Variants in LHX8 observed in about 807,000 individuals in gnomAD.
LHX8 encodes the protein LIM/homeobox protein Lhx8.
In LHX8, 12 loss-of-function variants were observed where a neutral mutation model predicts 40.3. That is an observed-to-expected ratio of 0.30 (90% CI 0.19 to 0.48). The LOEUF (loss-of-function observed/expected upper bound fraction) is 0.48. Among genes scored for constraint, LHX8 ranks in the 20% least tolerant of loss-of-function variants. The pLI is 0.99. For synonymous variants in LHX8, 179 were observed against 162.0 expected, an observed-to-expected ratio of 1.10 and a Z score of -0.80; for missense variants, 344 against 433.7, an observed-to-expected ratio of 0.79 and a Z score of 1.84.
chr1:75,169,302 A>G, the LHX8 span, among the ~76,000 whole-genome samples: 2,625 of 152,298 alleles, frequency 0.017, 80 homozygotes, highest in African/African-American at 0.06. Context: ...TTCTGGCTGC[A>G]TGGCCTTGTT....
intron 7 of LHX8, 116 bp downstream of exon 7, chr1:75,148,798 C>T: frequency 4.1e-6 from 3 of 726,176 alleles, no homozygotes; most frequent in South Asian, 1.7e-5. Context: ...CCACCTCAGC[C>T]TCCCAAAGTA....
intron 1 of LHX8, 143 bp from the exon 2 acceptor site, chr1:75,136,460 C>A: frequency 5.9e-6 from 3 of 510,348 alleles, no homozygotes; most frequent in Non-Finnish European, 6.6e-6. Flanking sequence ...GGCGCCCGGG[C>A]TCAGGCGCCG....
At chr1:75,147,952 C>T (rs940298144) in intron 6 of LHX8, among the ~76,000 whole-genome samples, 1 of 152,180 alleles carries the variant, frequency 6.6e-6, no homozygotes, top group East Asian at 1.9e-4. Flanking sequence ...TAGCACTTGG[C>T]ATAGTGGTTT....
upstream of LHX8, chr1:75,132,287 C>T (rs185703377): frequency 1.3e-5 from 2 of 152,320 alleles, no homozygotes; most frequent in Admixed American, 6.5e-5. Context: ...AAACACATTC[C>T]CCTCTTCTTG....
intron 7 of LHX8, among the ~76,000 whole-genome samples, chr1:75,151,741 T>C (rs982732910): frequency 6.6e-6 from 1 of 152,208 alleles, no homozygotes; most frequent in Non-Finnish European, 1.5e-5. Flanking sequence ...ATAACAATGA[T>C]AGCTTCAGGT....
At chr1:75,190,333 C>A in the LHX8 span, among the ~76,000 whole-genome samples, 1 of 151,996 alleles carries the variant, frequency 6.6e-6, no homozygotes, top group Admixed American at 6.6e-5. Context: ...GCAGAGTATT[C>A]TTTAATAATC....
chr1:75,185,833 C>T, the LHX8 span, among the ~76,000 whole-genome samples: 1 of 152,128 alleles, frequency 6.6e-6, no homozygotes, highest in African/African-American at 2.4e-5. Flanking sequence ...AGCCTATAAA[C>T]AACTCCAGCA....
At chr1:75,160,774 A>G in intron 8 of LHX8, 45 bp from the exon 9 acceptor site, 3 of 1,261,354 alleles carry the variant, frequency 2.4e-6, no homozygotes, top group Non-Finnish European at 3.5e-6. Flanking sequence ...AATCAGTTTT[A>G]TGCACCCTAC....
At chr1:75,189,813 A>C in the LHX8 span, among the ~76,000 whole-genome samples, 5 of 152,206 alleles carry the variant, frequency 3.3e-5, no homozygotes, top group Non-Finnish European at 5.9e-5. Flanking sequence ...TGTAATCTCT[A>C]TGAGGGCAAA....
chr1:75,157,174 C>T, intron 8 of LHX8, 98 bp downstream of exon 8: 1 of 1,333,364 alleles, frequency 7.5e-7, no homozygotes, highest in Non-Finnish European at 1.1e-6. Flanking sequence ...TGAAATATTA[C>T]CTCAGTAGTA....
chr1:75,181,492 G>T, the LHX8 span, among the ~76,000 whole-genome samples: 1 of 152,192 alleles, frequency 6.6e-6, no homozygotes, highest in African/African-American at 2.4e-5. Context: ...ATGGGCATGG[G>T]ACCCTCTGAG....
intron 8 of LHX8, chr1:75,159,438 A>C (rs186112853): frequency 2.6e-5 from 4 of 151,902 alleles, no homozygotes; most frequent in Non-Finnish European, 4.4e-5. Flanking sequence ...CTATGAAAAA[A>C]TTTTCTTGTT....
chr1:75,181,820 G>A, the LHX8 span, among the ~76,000 whole-genome samples: 4 of 152,018 alleles, frequency 2.6e-5, no homozygotes, highest in East Asian at 1.9e-4. Flanking sequence ...GTTCCTGTTC[G>A]GCCATCTTGG....
chr1:75,165,631 G>T (rs1355282915), downstream of LHX8, among the ~76,000 whole-genome samples: 1 of 152,128 alleles, frequency 6.6e-6, no homozygotes, highest in Non-Finnish European at 1.5e-5. Flanking sequence ...GTCCTGGGGA[G>T]GTAGAAACAA....
intron 6 of LHX8, 83 bp downstream of exon 6, chr1:75,144,031 A>AT (rs1161429162): frequency 1.4e-5 from 15 of 1,038,180 alleles, no homozygotes; most frequent in Non-Finnish European, 2.1e-5. Flanking sequence ...GCCCAAAAAC[A>AT]TTTTTATGTT....
intron 1 of LHX8, among the ~76,000 whole-genome samples, chr1:75,135,652 G>T (rs1262545384): frequency 2.6e-5 from 4 of 152,208 alleles, no homozygotes; most frequent in South Asian, 4.1e-4. Flanking sequence ...AAACGAAAGC[G>T]GTCTAAGCCC....
the LHX8 span, among the ~76,000 whole-genome samples, chr1:75,173,433 G>C: frequency 7.0e-6 from 1 of 143,532 alleles, no homozygotes; most frequent in East Asian, 2.0e-4. Flanking sequence ...GCCCAGGCTG[G>C]AGTGCAGTGG....
At chr1:75,142,983 C>A (rs897546786) in intron 4 of LHX8, 135 bp from the exon 5 acceptor site, 1 of 724,008 alleles carries the variant, frequency 1.4e-6, no homozygotes, top group Non-Finnish European at 2.4e-6. Flanking sequence ...ATAATTGATT[C>A]TTGTTTCATT....
At chr1:75,198,059 A>G in the LHX8 span, among the ~76,000 whole-genome samples, 1 of 152,186 alleles carries the variant, frequency 6.6e-6, no homozygotes, top group South Asian at 2.1e-4. Context: ...GAGAAAGGTA[A>G]TGGTGAGGAA....
Sources: gnomAD v4.1 joint callset for allele counts (sites outside exome capture counted in the v4.1 genomes callset) on GRCh38, gnomAD v4.1.1 for gene constraint, MANE v1.5 for transcripts, NCBI Gene and HGNC (gene_info 2026-07-23, HGNC 2026-07-21) for gene names.